ADAMTS12: variants seen among roughly 807,000 people sequenced by gnomAD.
ADAMTS12 encodes A disintegrin and metalloproteinase with thrombospondin motifs 12.
ADAMTS12 carries 118 observed loss-of-function variants against 167.8 expected under a neutral mutation model. The observed-to-expected ratio is 0.70, with a 90% CI of 0.61 to 0.82. ADAMTS12 has a LOEUF of 0.82. ADAMTS12 is among the 40% of genes least tolerant of loss of function. The probability of loss-of-function intolerance (pLI) is 0.00; values close to 1 mark genes in which losing one functional copy is unlikely to be tolerated. For missense variants in ADAMTS12, 1,916 were observed against 1,998.8 expected (o/e 0.96, Z 0.79); for synonymous variants, 704 against 716.9 (o/e 0.98, Z 0.29).
intron 16 of ADAMTS12, among the ~76,000 whole-genome samples, chr5:33,610,632 G>C (rs1009988674): frequency 2.0e-5 from 3 of 152,162 alleles, no homozygotes; most frequent in Admixed American, 1.3e-4. Flanking sequence ...TATTAAAGAA[G>C]CCCAAATACG....
Position 33,881,481 on chromosome 5 carries a change from C to A in ADAMTS12, c.128-1G>T. 6.2e-7 allele frequency: 1 copy of A among 1,608,974 alleles called. No homozygotes were observed. Among genetic ancestry groups the A allele is most frequent in the South Asian group, 1.1e-5 (1 of 90,944 alleles). ...TCTGGCAGGCCCTTGATAAAATGCT[C>A]TGAAAGAAAAGGAGAAATGGAAGAA... is the stretch of plus-strand genomic sequence containing the variant. On this transcript the variant is annotated splice_acceptor_variant, in intron 1 of 23. Coordinates refer to ENST00000504830, the MANE Select transcript of ADAMTS12 (RefSeq NM_030955.4). LOFTEE classifies it high-confidence loss of function.
Position 33,808,149 on chromosome 5 carries a change from C to T in ADAMTS12, c.490-56601G>A, listed in dbSNP as rs141101933. Among the ~76,000 whole-genome samples the T allele has an allele frequency of 8.4e-4, 128 of 152,264 alleles. 1 individual carries two copies. The highest frequency in any genetic ancestry group is 2.9e-3 in the African/African-American group (119 of 41,538). ...GCGTACAGAAAGAAGGACTTCTCTTCGGTGTAGTCAGAAGGAATTAGAGAA... is the reference window on the plus strand; with the variant it reads ...GCGTACAGAAAGAAGGACTTCTCTTTGGTGTAGTCAGAAGGAATTAGAGAA... On this transcript the variant is annotated intron_variant, in intron 2 of 23. Coordinates refer to ENST00000504830, the MANE Select transcript of ADAMTS12 (RefSeq NM_030955.4).
chr5:33,667,304 T>C (rs4242086), intron 5 of ADAMTS12, among the ~76,000 whole-genome samples: 1 of 137,492 alleles, frequency 7.3e-6, no homozygotes, highest in African/African-American at 2.8e-5. Context: ...GGCAACAGAG[T>C]GAGACTCTGT....
At chr5:33,841,044 T>C (rs974188436) in intron 2 of ADAMTS12, among the ~76,000 whole-genome samples, 2 of 151,952 alleles carry the variant, frequency 1.3e-5, no homozygotes, top group Non-Finnish European at 2.9e-5. Context: ...ATATGGCCAA[T>C]TGAGCTGCTC....
chr5:33,667,194 T>C (rs770903637), intron 5 of ADAMTS12, among the ~76,000 whole-genome samples: 43 of 151,822 alleles, frequency 2.8e-4, no homozygotes, highest in Non-Finnish European at 5.9e-4. Flanking sequence ...GGTGCATACT[T>C]GTAATCCCAG....
At position 33,881,227 on chromosome 5, in the gene ADAMTS12, G is replaced by A. The variant is rs1580015388; in HGVS notation, c.381C>T (p.Ser127=). The A allele has an allele frequency of 6.2e-7, 1 of 1,614,164 alleles. No homozygotes were observed. The highest frequency in any genetic ancestry group is 8.5e-7 in the Non-Finnish European group (1 of 1,180,012). The change falls in exon 2 of 24, where the codon TCC becomes TCT. Residue 127 remains serine (S), a synonymous_variant. Transcript: ENST00000504830. The part of the protein sequence containing the change: ...YIMEKRYGNL[S]HVKMMASSAP... ...CAGAGGAAGCCATCATCTTAACATG[G>A]GAGAGGTTCCCATATCTCTTCTCCA...
intron 3 of ADAMTS12, among the ~76,000 whole-genome samples, chr5:33,748,342 G>C (rs1162766387): frequency 6.6e-6 from 1 of 152,182 alleles, no homozygotes; most frequent in Admixed American, 6.5e-5. Flanking sequence ...ATAGATTCTA[G>C]AAAGTCGATC....
At chr5:33,691,608 T>A (rs1196972359) in intron 3 of ADAMTS12, among the ~76,000 whole-genome samples, 1 of 152,160 alleles carries the variant, frequency 6.6e-6, no homozygotes, top group Non-Finnish European at 1.5e-5. Flanking sequence ...AAGAGAGGTC[T>A]CTTGGAAAAC....
Position 33,738,962 on chromosome 5 carries a change from G to C in ADAMTS12, c.634+12442C>G, listed in dbSNP as rs1225964537. 3.9e-5 allele frequency among the ~76,000 whole-genome samples: 6 copies of C among 152,162 alleles called. No individual in the cohort carries two copies. The East Asian group carries it at 9.6e-4, about 24-fold the overall frequency. The stretch of plus-strand genomic sequence containing the variant: ...CAGGGTGCTGGTCAGCTGCTGGTGG[G>C]GTTGACATTGACTCTATTCTTAGCA... On this transcript the variant is annotated intron_variant, in intron 3 of 23. Coordinates refer to ENST00000504830, the MANE Select transcript of ADAMTS12 (RefSeq NM_030955.4).
At chr5:33,535,132 T>C in intron 22 of ADAMTS12, 140 bp from the exon 23 acceptor site, 1 of 786,780 alleles carries the variant, frequency 1.3e-6, no homozygotes, top group Non-Finnish European at 1.9e-6. Flanking sequence ...AGTCATAGAA[T>C]AAAGGCACTA....
intron 2 of ADAMTS12, among the ~76,000 whole-genome samples, chr5:33,870,654 C>T (rs547370384): frequency 6.6e-6 from 1 of 152,282 alleles, no homozygotes; most frequent in East Asian, 1.9e-4. Flanking sequence ...GGATTTGTGT[C>T]CCTGTCCAAA....
intron 5 of ADAMTS12, among the ~76,000 whole-genome samples, chr5:33,663,518 T>A (rs769384395): frequency 1.9e-4 from 29 of 152,250 alleles, no homozygotes; most frequent in Non-Finnish European, 4.1e-4. Flanking sequence ...TGCTTTTACA[T>A]ACGCTGTCTC....
At chr5:33,766,529 T>C (rs1323590349) in intron 2 of ADAMTS12, among the ~76,000 whole-genome samples, 1 of 152,118 alleles carries the variant, frequency 6.6e-6, no homozygotes, top group Non-Finnish European at 1.5e-5. Context: ...AACGTACCAA[T>C]GTTGGTTCCT....
At chr5:33,615,529 G>A (rs762756647) in intron 15 of ADAMTS12, among the ~76,000 whole-genome samples, 6 of 152,146 alleles carry the variant, frequency 3.9e-5, no homozygotes, top group Non-Finnish European at 8.8e-5. Flanking sequence ...TTGGAAACCC[G>A]TGCCACAATG....
At chr5:33,840,999 T>C (rs1362428185) in intron 2 of ADAMTS12, among the ~76,000 whole-genome samples, 1 of 152,172 alleles carries the variant, frequency 6.6e-6, no homozygotes, top group African/African-American at 2.4e-5. Flanking sequence ...GCTCCCACCC[T>C]TAGCTCTGCC....
chr5:33,848,585 C>T (rs759541078), intron 2 of ADAMTS12, among the ~76,000 whole-genome samples: 1 of 152,208 alleles, frequency 6.6e-6, no homozygotes, highest in African/African-American at 2.4e-5. Context: ...GTATTAGTTG[C>T]AAAACTGGAC....
intron 7 of ADAMTS12, among the ~76,000 whole-genome samples, chr5:33,655,628 T>TTTAATTTA (rs1741028485): frequency 1.4e-5 from 2 of 145,700 alleles, no homozygotes; most frequent in Admixed American, 6.8e-5. Context: ...TAGTTTTATT[T>TTTAATTTA]ATTTAATTTA....
chr5:33,538,415 G>C (rs1409782957), intron 22 of ADAMTS12, among the ~76,000 whole-genome samples: 1 of 152,154 alleles, frequency 6.6e-6, no homozygotes, highest in African/African-American at 2.4e-5. Context: ...TGAGATTTGG[G>C]TGGGGACACA....
At chr5:33,754,412 C>A (rs956209507) in intron 2 of ADAMTS12, among the ~76,000 whole-genome samples, 4 of 152,194 alleles carry the variant, frequency 2.6e-5, no homozygotes, top group Non-Finnish European at 5.9e-5. Context: ...GCAGGATGAG[C>A]CCTAGGCTAA....
Sources: gnomAD v4.1 joint callset for allele counts (sites outside exome capture counted in the v4.1 genomes callset) on GRCh38, gnomAD v4.1.1 for gene constraint, MANE v1.5 for transcripts, NCBI Gene and HGNC (gene_info 2026-07-23, HGNC 2026-07-21) for gene names.